The following LPP variants were observed in gnomAD, a reference collection of about 807,000 sequenced individuals.
LPP encodes LIM domain containing preferred translocation partner in lipoma.
A neutral mutation model predicts 60.4 loss-of-function variants in LPP; 38 were observed. The observed-to-expected ratio is 0.63, with a 90% CI of 0.49 to 0.83. LPP has a LOEUF of 0.83. Ranked by LOEUF, LPP falls within the 40% of genes least tolerant of loss-of-function variation. The pLI, the probability that LPP is intolerant of heterozygous loss-of-function variation, is 0.00. For synonymous variants in LPP, 328 were observed against 290.8 expected, an observed-to-expected ratio of 1.13 and a Z score of -1.30; for missense variants, 902 against 783.6, an observed-to-expected ratio of 1.15 and a Z score of -1.80.
chr3:188,685,748 T>G (rs1860567622), intron 7 of LPP, among the ~76,000 whole-genome samples: 1 of 152,194 alleles, frequency 6.6e-6, no homozygotes, highest in Non-Finnish European at 1.5e-5. Context: ...ACTTCCCAAA[T>G]TCAATCCATT....
chr3:188,511,116 T>C, intron 5 of LPP, among the ~76,000 whole-genome samples: 1 of 95,912 alleles, frequency 1.0e-5, no homozygotes, highest in Non-Finnish European at 2.0e-5. Flanking sequence ...CCTTCCTCCT[T>C]CCTTCCTACC....
rs1769215683 is a variant in LPP, at chr3:188,876,067, A to G, written c.*1588A>G. ...TATAACAAGTATAATTACATCCTCC[A>G]ATGTACCGTTTCCTTATTCCACAGA... On this transcript the variant is annotated 3_prime_UTR_variant, in exon 12 of 12. Coordinates refer to ENST00000617246, the MANE Select transcript of LPP (RefSeq NM_001375462.1). 1 of 189,614 alleles carries G rather than the reference A, an allele frequency of 5.3e-6. No individual in the cohort carries two copies. The highest frequency in any genetic ancestry group is 1.1e-5 in the Non-Finnish European group (1 of 90,100). The allele number at this position is 189,614 out of a possible 1,614,324, so 11.7% of individuals were successfully genotyped here. A position where few individuals can be genotyped will look rare whatever the true frequency, so the allele number is the denominator to read the frequency against.
intron 3 of LPP, among the ~76,000 whole-genome samples, chr3:188,363,676 G>T (rs1335778632): frequency 6.6e-6 from 1 of 152,100 alleles, no homozygotes; most frequent in Non-Finnish European, 1.5e-5. Context: ...GGAGGCCAAG[G>T]CGGGCAGATC....
At chr3:188,810,688 A>G (rs1750665355) in intron 9 of LPP, among the ~76,000 whole-genome samples, 1 of 152,150 alleles carries the variant, frequency 6.6e-6, no homozygotes, top group Admixed American at 6.6e-5. Context: ...CTTGGAAGGT[A>G]TCTTCCACGG....
chr3:188,590,353 A>G (rs1477019953), intron 6 of LPP, among the ~76,000 whole-genome samples: 1 of 152,128 alleles, frequency 6.6e-6, no homozygotes, highest in Non-Finnish European at 1.5e-5. Context: ...CGGGTGGATC[A>G]CTTGAGGTCA....
intron 8 of LPP, among the ~76,000 whole-genome samples, chr3:188,737,420 C>T (rs1306682494): frequency 6.6e-6 from 1 of 152,186 alleles, no homozygotes; most frequent in African/African-American, 2.4e-5. Flanking sequence ...ATGGGCCTGT[C>T]AACCCTGGTA....
intron 5 of LPP, among the ~76,000 whole-genome samples, chr3:188,496,178 T>C (rs1810144070): frequency 6.6e-6 from 1 of 151,930 alleles, no homozygotes; most frequent in Admixed American, 6.6e-5. Context: ...CAGTCTGGAG[T>C]GCAGTGGCAT....
At chr3:188,590,346 G>A (rs1426090670) in intron 6 of LPP, among the ~76,000 whole-genome samples, 1 of 152,152 alleles carries the variant, frequency 6.6e-6, no homozygotes, top group Non-Finnish European at 1.5e-5. Flanking sequence ...GCCGAGGCGG[G>A]TGGATCACTT....
At chr3:188,577,968 A>G (rs1289818159) in intron 6 of LPP, among the ~76,000 whole-genome samples, 2 of 151,712 alleles carry the variant, frequency 1.3e-5, no homozygotes, top group African/African-American at 4.9e-5. Flanking sequence ...AGAATCTTTC[A>G]CAGAATAAAC....
intron 9 of LPP, among the ~76,000 whole-genome samples, chr3:188,800,403 G>A (rs971574232): frequency 2.6e-5 from 4 of 151,588 alleles, no homozygotes; most frequent in East Asian, 1.9e-4. Context: ...CTGCCACCAC[G>A]CCCGGCTAAT....
intron 8 of LPP, among the ~76,000 whole-genome samples, chr3:188,741,140 A>T (rs1203405473): frequency 6.6e-6 from 1 of 151,794 alleles, no homozygotes; most frequent in Non-Finnish European, 1.5e-5. Context: ...TATTTTCCGA[A>T]ACGTGTTATT....
intron 4 of LPP, among the ~76,000 whole-genome samples, chr3:188,420,054 T>G (rs556109109): frequency 5.9e-5 from 9 of 152,146 alleles, no homozygotes; most frequent in African/African-American, 1.9e-4. Context: ...ATATGAACAT[T>G]AGCTCTGAGG....
chr3:188,342,862 GTAAT>G (rs1248926412), intron 3 of LPP, among the ~76,000 whole-genome samples: 1 of 151,952 alleles, frequency 6.6e-6, no homozygotes, highest in Non-Finnish European at 1.5e-5. Context: ...TGAAATTTCT[GTAAT>G]TAAACCAGAC....
rs1371056956 is a variant in LPP, at chr3:188,589,933, C to T, written c.430-19228C>T. ...AACAGTTTTGCCTGATTTTTGTTTT[C>T]CCCTTTTGCTCTGTTTTTGTAGTTC... On this transcript the variant is annotated intron_variant, in intron 6 of 11. Transcript: ENST00000617246. 2.0e-5 allele frequency among the ~76,000 whole-genome samples: 3 copies of T among 152,106 alleles called. No homozygotes were observed. The East Asian group carries it at 5.8e-4, about 29-fold the overall frequency.
intron 6 of LPP, among the ~76,000 whole-genome samples, chr3:188,532,602 T>C (rs971165934): frequency 4.6e-5 from 7 of 152,232 alleles, no homozygotes; most frequent in South Asian, 2.1e-4. Context: ...GGGAAGAGCA[T>C]TGGCTTCTTG....
At chr3:188,372,227 T>A (rs1467055552) in intron 3 of LPP, among the ~76,000 whole-genome samples, 1 of 152,138 alleles carries the variant, frequency 6.6e-6, no homozygotes, top group Non-Finnish European at 1.5e-5. Context: ...TTTGTCCCCC[T>A]CTATAAATGG....
intron 7 of LPP, among the ~76,000 whole-genome samples, chr3:188,701,944 CTTTTTTTTTTTTTT>C (rs35803152): frequency 1.2e-5 from 1 of 83,552 alleles, no homozygotes; most frequent in Admixed American, 1.8e-4. Flanking sequence ...GTTTTTTTCC[CTTTTTTTTTTTTTT>C]TTTTTTTTTG....
In LPP at chr3:188,318,251, C is replaced by G. The variant is rs558860040; in HGVS notation, c.-66-23412C>G. Among the ~76,000 whole-genome samples, 50 of 152,208 alleles carry G rather than the reference C, an allele frequency of 3.3e-4. No homozygotes were observed. In the Middle Eastern group the frequency reaches 0.01, roughly 31 times the overall value. ...AGGCCCAAATACCTGAAAAAATGTT[C>G]AGGAGGAATTCTGATAAGAAAGAGC... On this transcript the variant is annotated intron_variant, in intron 2 of 11. Transcript: ENST00000617246.
intron 7 of LPP, among the ~76,000 whole-genome samples, chr3:188,664,870 G>T (rs557680652): frequency 1.3e-5 from 2 of 152,060 alleles, no homozygotes; most frequent in Non-Finnish European, 2.9e-5. Flanking sequence ...TTTTCTACTG[G>T]TGCTACCGGC....
Sources: gnomAD v4.1 joint callset for allele counts (sites outside exome capture counted in the v4.1 genomes callset) on GRCh38, gnomAD v4.1.1 for gene constraint, MANE v1.5 for transcripts, NCBI Gene and HGNC (gene_info 2026-07-23, HGNC 2026-07-21) for gene names.